Variants in COL4A3 observed in about 807,000 individuals in gnomAD.
The protein encoded by COL4A3 is collagen alpha-3(IV) chain.
COL4A3 carries 135 observed loss-of-function variants against 217.4 expected under a neutral mutation model. That is an observed-to-expected ratio of 0.62 (90% CI 0.54 to 0.72). COL4A3 has a LOEUF of 0.72. Ranked by LOEUF, COL4A3 falls within the 30% of genes least tolerant of loss-of-function variation. COL4A3 has a pLI of 0.00. For missense variants in COL4A3, 1,868 were observed against 2,119.9 expected (o/e 0.88, Z 2.33); for synonymous variants, 690 against 736.3 (o/e 0.94, Z 1.02).
At chr2:227,218,005 C>A (rs2067590537) in intron 1 of COL4A3, among the ~76,000 whole-genome samples, 1 of 133,994 alleles carries the variant, frequency 7.5e-6, no homozygotes, top group Non-Finnish European at 1.7e-5. Flanking sequence ...CACATTCAAA[C>A]TCCATATAAC....
chr2:227,293,257 C>T lies in COL4A3; in HGVS notation c.3277C>T (p.His1093Tyr). The T allele has an allele frequency of 6.2e-7, 1 of 1,613,870 alleles. No homozygotes were observed. The highest frequency in any genetic ancestry group is 1.1e-5 in the South Asian group (1 of 91,062). ...AATGGGGCAACCTGGCCCACCTGGACATTTGGGGCCTGCTGGACCTGAGGG... is the reference window on the plus strand; with the variant it reads ...AATGGGGCAACCTGGCCCACCTGGATATTTGGGGCCTGCTGGACCTGAGGG... ...GEMGQPGPPG[H>Y]LGPAGPEGAP... The change falls in exon 38 of 52, where the codon CAT (histidine) becomes TAT (tyrosine). Residue 1093 changes from histidine to tyrosine, a missense_variant. By Grantham distance (83) the His-to-Tyr change is moderately conservative. This residue lies in a region of COL4A3 where 1,503 missense variants were observed against 1,786.1 expected (regional missense o/e 0.84). Transcript: ENST00000396578.
chr2:227,289,510 G>A (rs983620240), intron 35 of COL4A3, among the ~76,000 whole-genome samples: 1 of 152,184 alleles, frequency 6.6e-6, no homozygotes, highest in African/African-American at 2.4e-5. Flanking sequence ...AAATTATAAT[G>A]TATCACTATA....
In COL4A3 at chr2:227,293,178, G is replaced by C. The variant is rs200555661; in HGVS notation, c.3211-13G>C. 45 of 1,613,556 alleles carry C rather than the reference G, an allele frequency of 2.8e-5. No individual in the cohort carries two copies. Among genetic ancestry groups the C allele is most frequent in the Non-Finnish European group, 5.9e-6 (7 of 1,179,972 alleles). On this transcript the variant is annotated splice_polypyrimidine_tract_variant and intron_variant, in intron 37 of 51. Transcript: ENST00000396578. ...TTATATGAGAATTTTAAAGGTATTT[G>C]ACTACATTTAAGGGGGATCCAGGAC...
At chr2:227,185,460 T>C (rs1458925226) in intron 1 of COL4A3, among the ~76,000 whole-genome samples, 1 of 152,240 alleles carries the variant, frequency 6.6e-6, no homozygotes, top group Non-Finnish European at 1.5e-5. Flanking sequence ...AGGGCAATTG[T>C]ACACGTTGTT....
At chr2:227,178,468 T>A (rs1208476216) in intron 1 of COL4A3, among the ~76,000 whole-genome samples, 1 of 152,230 alleles carries the variant, frequency 6.6e-6, no homozygotes, top group Non-Finnish European at 1.5e-5. Flanking sequence ...AGTCATTTTT[T>A]AAATGATTAT....
At chr2:227,284,804 G>A (rs757823893) in intron 34 of COL4A3, among the ~76,000 whole-genome samples, 1 of 152,022 alleles carries the variant, frequency 6.6e-6, no homozygotes, top group Non-Finnish European at 1.5e-5. Context: ...AAATCCTTTG[G>A]AGAATAATTA....
chr2:227,225,821 C>G (rs1279526425), intron 1 of COL4A3, among the ~76,000 whole-genome samples: 2 of 150,422 alleles, frequency 1.3e-5, no homozygotes, highest in East Asian at 2.0e-4. Flanking sequence ...AAGCGATTCT[C>G]TTGCCTTAGC....
intron 5 of COL4A3, chr2:227,245,584 A>C: frequency 2.9e-6 from 1 of 345,934 alleles, no homozygotes; most frequent in East Asian, 7.0e-5. Flanking sequence ...AGGATAGGGT[A>C]GAATGAAATG....
chr2:227,192,386 T>C (rs2066276187), intron 1 of COL4A3, among the ~76,000 whole-genome samples: 1 of 152,216 alleles, frequency 6.6e-6, no homozygotes, highest in Admixed American at 6.5e-5. Flanking sequence ...ACTATCATAT[T>C]TGACTTGCTC....
chr2:227,288,223 A>G (rs777697141), intron 34 of COL4A3, among the ~76,000 whole-genome samples: 7 of 152,090 alleles, frequency 4.6e-5, no homozygotes, highest in African/African-American at 9.7e-5. Flanking sequence ...CAGCCTCCCA[A>G]GTAGCTGGGA....
intron 1 of COL4A3, among the ~76,000 whole-genome samples, chr2:227,179,605 C>A (rs1446971929): frequency 6.6e-6 from 1 of 152,100 alleles, no homozygotes; most frequent in African/African-American, 2.4e-5. Context: ...TTCTTTAATC[C>A]TTTGACAGAA....
At chr2:227,266,563 T>A in intron 22 of COL4A3, 54 bp downstream of exon 22, 1 of 1,363,772 alleles carries the variant, frequency 7.3e-7, no homozygotes, top group Non-Finnish European at 1.0e-6. Flanking sequence ...TCGTCATTAT[T>A]ATCACTGATT....
chr2:227,202,366 A>G (rs1364861971), intron 1 of COL4A3, among the ~76,000 whole-genome samples: 1 of 152,152 alleles, frequency 6.6e-6, no homozygotes, highest in Non-Finnish European at 1.5e-5. Flanking sequence ...GAAGCCCTAA[A>G]TAATCATGCC....
At chr2:227,165,542 G>T (rs1178783421) in intron 1 of COL4A3, among the ~76,000 whole-genome samples, 2 of 152,110 alleles carry the variant, frequency 1.3e-5, no homozygotes, top group South Asian at 4.2e-4. Context: ...CAAAACGATT[G>T]TGCCTCCTAG....
chr2:227,193,021 T>C (rs537558174), intron 1 of COL4A3, among the ~76,000 whole-genome samples: 1 of 152,324 alleles, frequency 6.6e-6, no homozygotes, highest in East Asian at 1.9e-4. Flanking sequence ...TCAATTTCTA[T>C]ATTTACCTTG....
intron 37 of COL4A3, among the ~76,000 whole-genome samples, chr2:227,292,206 T>G (rs1434585554): frequency 6.6e-6 from 1 of 152,166 alleles, no homozygotes; most frequent in Non-Finnish European, 1.5e-5. Context: ...CCTAAATATT[T>G]CCACCAGCTA....
At chr2:227,304,790 A>G (rs1207869207) in intron 46 of COL4A3, among the ~76,000 whole-genome samples, 195 bp from the exon 47 acceptor site, 1 of 152,174 alleles carries the variant, frequency 6.6e-6, no homozygotes, top group African/African-American at 2.4e-5. Context: ...TTCATTTTCG[A>G]GAGTCTTATT....
Position 227,276,252 on chromosome 2 carries a change from A to T in COL4A3, c.1928-133A>T. ...CTGGTCGTCCTTAAGCTAGTTTTGA[A>T]GTCTGTGAAAACAGAGGTTATTTTT... On this transcript the variant is annotated intron_variant, in intron 26 of 51. Transcript: ENST00000396578. The T allele has an allele frequency of 2.8e-6, 2 of 717,144 alleles. 1 individual carries two copies. The highest frequency in any genetic ancestry group is 3.1e-5 in the South Asian group (2 of 64,432). The allele number at this position is 717,144 out of a possible 1,614,324, so 44.4% of individuals were successfully genotyped here.
chr2:227,308,111 A>G (rs1179974173), intron 48 of COL4A3, among the ~76,000 whole-genome samples, 192 bp downstream of exon 48: 1 of 152,220 alleles, frequency 6.6e-6, no homozygotes, highest in Non-Finnish European at 1.5e-5. Flanking sequence ...GAAGGAGCCT[A>G]GCTCAGGAAT....
Sources: allele counts gnomAD v4.1 joint callset (sites outside exome capture counted in the v4.1 genomes callset), GRCh38; gene constraint gnomAD v4.1.1; regional missense constraint gnomAD v4.1.1; transcripts MANE v1.5; gene names NCBI Gene and HGNC (gene_info 2026-07-23, HGNC 2026-07-21).